Variants in PUDP observed in about 807,000 individuals in gnomAD.
The protein encoded by PUDP is pseudouridine-5'-phosphatase.
A neutral mutation model predicts 9.4 loss-of-function variants in PUDP; 8 were observed. The ratio of observed to expected loss-of-function variants is 0.85; its 90% CI spans 0.50 to 1.53. The LOEUF (loss-of-function observed/expected upper bound fraction) is 1.53, where lower values mean the gene tolerates loss of function less well. Among genes scored for constraint, PUDP ranks in the 40% most tolerant of loss-of-function variants. The pLI is 0.00. For missense variants in PUDP, 188 were observed against 189.7 expected (o/e 0.99, Z 0.05); for synonymous variants, 99 against 80.7 (o/e 1.23, Z -1.22).
intron 3 of PUDP, among the ~76,000 whole-genome samples, chrX:6,772,168 C>T (rs1368750621): frequency 1.8e-5 from 2 of 112,311 alleles, no homozygotes; most frequent in Non-Finnish European, 3.8e-5. Context: ...TTTGTCTCCT[C>T]ATTTATTAGC....
intron 3 of PUDP, among the ~76,000 whole-genome samples, chrX:6,915,118 T>C (rs1248656715): frequency 8.9e-6 from 1 of 112,316 alleles, no homozygotes; most frequent in Non-Finnish European, 1.9e-5. Flanking sequence ...TTTGTATCTC[T>C]GCATTGCCAT....
At chrX:7,098,402 T>C (rs1334326310) in intron 2 of PUDP, among the ~76,000 whole-genome samples, 3 of 111,341 alleles carry the variant, frequency 2.7e-5, no homozygotes, top group African/African-American at 9.8e-5. Context: ...GAGCAGGCCT[T>C]ACCCTCTAGT....
At chrX:6,943,754 C>G (rs1413301033) in intron 3 of PUDP, among the ~76,000 whole-genome samples, 2 of 111,401 alleles carry the variant, frequency 1.8e-5, no homozygotes, top group Non-Finnish European at 3.8e-5. Flanking sequence ...AGCTGCTTTT[C>G]TGCTTTCCTC....
chrX:6,921,310 G>A (rs1051281700), intron 3 of PUDP, among the ~76,000 whole-genome samples: 2 of 110,362 alleles, frequency 1.8e-5, no homozygotes, highest in African/African-American at 6.6e-5. Flanking sequence ...TTGAGACCTT[G>A]GAGGTTGAGG....
chrX:6,878,921 C>T (rs1454900228), intron 3 of PUDP, among the ~76,000 whole-genome samples: 1 of 111,494 alleles, frequency 9.0e-6, no homozygotes, highest in Non-Finnish European at 1.9e-5. Context: ...ACCATCAGAG[C>T]TATTGCTTAG....
intron 1 of PUDP, among the ~76,000 whole-genome samples, chrX:6,987,783 C>T (rs949012572): frequency 8.9e-6 from 1 of 112,421 alleles, no homozygotes; most frequent in Non-Finnish European, 1.9e-5. Flanking sequence ...TACTACCTGG[C>T]TTTTACAGAA....
chrX:6,930,530 G>A (rs1438314214), intron 3 of PUDP, among the ~76,000 whole-genome samples: 1 of 111,367 alleles, frequency 9.0e-6, no homozygotes, highest in Non-Finnish European at 1.9e-5. Context: ...AAAGCGGGAG[G>A]AACTCTCAGT....
chrX:6,920,307 T>C (rs922095521), intron 3 of PUDP, among the ~76,000 whole-genome samples: 1 of 111,220 alleles, frequency 9.0e-6, no homozygotes, highest in Non-Finnish European at 1.9e-5. Context: ...TCTAGTCCCA[T>C]TGTACACTGC....
At chrX:7,105,165 C>T (rs967435278) in intron 2 of PUDP, among the ~76,000 whole-genome samples, 10 of 108,063 alleles carry the variant, frequency 9.3e-5, no homozygotes, top group Admixed American at 2.0e-4. Context: ...AAAATGAATT[C>T]GACTTTTTAC....
chrX:7,122,081 G>A (rs747067131), intron 1 of PUDP, among the ~76,000 whole-genome samples: 16 of 111,016 alleles, frequency 1.4e-4, no homozygotes, highest in African/African-American at 3.3e-4. Context: ...CCAGCTACTC[G>A]GGGAGCTGAG....
chrX:6,754,612 TATA>T (rs201083817), intron 3 of PUDP, among the ~76,000 whole-genome samples: 2,987 of 108,893 alleles, frequency 0.027, 86 homozygotes, highest in African/African-American at 0.091. Context: ...ATTGAAATTG[TATA>T]ATATTATAAC....
intron 1 of PUDP, among the ~76,000 whole-genome samples, chrX:7,108,723 T>C (rs1931955509): frequency 1.8e-5 from 2 of 112,437 alleles, no homozygotes; most frequent in Non-Finnish European, 3.8e-5. Context: ...TTTTCATTTA[T>C]TTTTTTGTTT....
At chrX:7,043,980 T>G (rs961831744), downstream of PUDP, among the ~76,000 whole-genome samples, 7 of 112,424 alleles carry the variant, frequency 6.2e-5, no homozygotes, top group African/African-American at 2.3e-4. Context: ...TGAAAATGCA[T>G]GCAAATCTAA....
At chrX:7,097,446 C>T (rs1478712751) in intron 2 of PUDP, among the ~76,000 whole-genome samples, 1 of 111,264 alleles carries the variant, frequency 9.0e-6, no homozygotes, top group Admixed American at 9.6e-5. Context: ...TGTGGACTCC[C>T]CCGAGGTCAC....
chrX:7,110,809 C>G (rs1932025265), intron 1 of PUDP, among the ~76,000 whole-genome samples: 1 of 110,642 alleles, frequency 9.0e-6, no homozygotes. Context: ...GACTCATTGT[C>G]CAGGAGAAGG....
At chrX:7,088,142 G>T (rs1931319442) in intron 2 of PUDP, among the ~76,000 whole-genome samples, 1 of 112,339 alleles carries the variant, frequency 8.9e-6, no homozygotes, top group Non-Finnish European at 1.9e-5. Context: ...GAAAATAAAA[G>T]AGACAAAGTA....
intron 3 of PUDP, among the ~76,000 whole-genome samples, chrX:6,861,505 A>C (rs1455588346): frequency 8.9e-6 from 1 of 112,184 alleles, no homozygotes; most frequent in Non-Finnish European, 1.9e-5. Context: ...AATGTTATGC[A>C]ATATTAAAAA....
At chrX:7,057,637 G>A (rs1930279033) in intron 3 of PUDP, 1 of 1,120,297 alleles carries the variant, frequency 8.9e-7, no homozygotes, top group South Asian at 2.1e-5. Context: ...TTGGGTTTGA[G>A]GCCATCGTGG....
chrX:6,720,805 G>A (rs1924665150), intron 1 of PUDP, among the ~76,000 whole-genome samples: 1 of 110,752 alleles, frequency 9.0e-6, no homozygotes, highest in African/African-American at 3.3e-5. Context: ...TTTACTTGCC[G>A]ATTATACCTC....
Sources: allele counts gnomAD v4.1 joint callset (sites outside exome capture counted in the v4.1 genomes callset), GRCh38; gene constraint gnomAD v4.1.1; transcripts MANE v1.5; gene names NCBI Gene and HGNC (gene_info 2026-07-23, HGNC 2026-07-21).